The following B4GALT5 variants were observed in gnomAD, a reference collection of about 807,000 sequenced individuals.
B4GALT5 encodes the protein beta-1,4-galactosyltransferase 5.
Under a neutral mutation model 45.0 loss-of-function variants are expected in B4GALT5, and 11 were observed. The ratio of observed to expected loss-of-function variants is 0.24; its 90% CI spans 0.15 to 0.40. B4GALT5 has a LOEUF of 0.40. Among genes scored for constraint, B4GALT5 ranks in the 10% least tolerant of loss-of-function variants. The probability of loss-of-function intolerance (pLI) is 1.00; values close to 1 mark genes in which losing one functional copy is unlikely to be tolerated. For missense variants in B4GALT5, 337 were observed against 500.2 expected (o/e 0.67, Z 3.11); for synonymous variants, 185 against 182.9 (o/e 1.01, Z -0.09).
chr20:49,653,195 A>C (rs1292320636), intron 2 of B4GALT5, among the ~76,000 whole-genome samples: 2 of 152,226 alleles, frequency 1.3e-5, no homozygotes, highest in African/African-American at 4.8e-5. Flanking sequence ...TAAAAATCCG[A>C]AATCTGCAAT....
In B4GALT5 at chr20:49,635,359, C is replaced by T. The variant is rs2085547463; in HGVS notation, c.*953G>A. 6.6e-6 allele frequency: 1 copy of T among 152,058 alleles called. No homozygotes were observed. Among genetic ancestry groups the T allele is most frequent in the Non-Finnish European group, 1.5e-5 (1 of 68,048 alleles). The allele number at this position is 152,058 out of a possible 1,614,324, so 9.4% of individuals were successfully genotyped here. Reference sequence around the variant, plus strand: ...AAGCAGCCTGCTCTAACAGCAGCCTCCCGCTTAGCGGAGAGTGGGATGAGC... The same window carrying T: ...AAGCAGCCTGCTCTAACAGCAGCCTTCCGCTTAGCGGAGAGTGGGATGAGC... On this transcript the variant is annotated 3_prime_UTR_variant, in exon 9 of 9. Coordinates refer to ENST00000371711, the MANE Select transcript of B4GALT5 (RefSeq NM_004776.4).
At chr20:49,674,536 A>G (rs2085729639) in intron 1 of B4GALT5, among the ~76,000 whole-genome samples, 1 of 151,930 alleles carries the variant, frequency 6.6e-6, no homozygotes, top group African/African-American at 2.4e-5. Flanking sequence ...AACTTTTTTT[A>G]GTGAGTCTGC....
At chr20:49,666,688 T>C (rs1235854474) in intron 1 of B4GALT5, among the ~76,000 whole-genome samples, 3 of 152,150 alleles carry the variant, frequency 2.0e-5, no homozygotes, top group Non-Finnish European at 4.4e-5. Context: ...TAAGACACAA[T>C]AAAAATTAAG....
At chr20:49,657,966 A>G (rs1219664296) in intron 1 of B4GALT5, among the ~76,000 whole-genome samples, 1 of 152,216 alleles carries the variant, frequency 6.6e-6, no homozygotes, top group East Asian at 1.9e-4. Flanking sequence ...AACATTAAAC[A>G]GGGACATTGA....
intron 1 of B4GALT5, among the ~76,000 whole-genome samples, chr20:49,712,837 T>TC (rs1419481927): frequency 4.7e-5 from 2 of 42,690 alleles, no homozygotes; most frequent in Non-Finnish European, 9.2e-5. Context: ...GTACGCGAGG[T>TC]GGGGGGGGGG....
At chr20:49,703,000 C>T (rs555242776) in intron 1 of B4GALT5, among the ~76,000 whole-genome samples, 3 of 151,728 alleles carry the variant, frequency 2.0e-5, no homozygotes, top group South Asian at 2.1e-4. Flanking sequence ...GATGAAACCC[C>T]GTCTCTACTA....
rs544095461 is a variant in B4GALT5, at chr20:49,675,078, G to C, written c.116-18376C>G. Reference sequence around the variant, plus strand: ...AGCATGAGCTCAGGAAGAAAAGGGAGTGGAGGGGATAAGAGCAGGGGAGGG... The same window carrying C: ...AGCATGAGCTCAGGAAGAAAAGGGACTGGAGGGGATAAGAGCAGGGGAGGG... On this transcript the variant is annotated intron_variant, in intron 1 of 8. Coordinates refer to ENST00000371711, the MANE Select transcript of B4GALT5 (RefSeq NM_004776.4). Among the ~76,000 whole-genome samples, 4 of 152,344 alleles carry C rather than the reference G, an allele frequency of 2.6e-5. No individual in the cohort carries two copies. The South Asian group carries it at 8.3e-4, about 32-fold the overall frequency.
At chr20:49,677,951 T>C (rs1013636376) in intron 1 of B4GALT5, among the ~76,000 whole-genome samples, 2 of 152,216 alleles carry the variant, frequency 1.3e-5, no homozygotes, top group African/African-American at 4.8e-5. Flanking sequence ...TTTCACCATG[T>C]TGGTCAGGCT....
rs2085830430 is a variant in B4GALT5, at chr20:49,694,651, AGGG to A, written c.115+18922_115+18924del. Reference sequence around the variant, plus strand: ...GGCCCTGCTGAGAAGGGAAAGGGAAAGGGAAAAGGAAAGGGAAAGGGAAAGGGA... The same window carrying A: ...GGCCCTGCTGAGAAGGGAAAGGGAAAAAAAGGAAAGGGAAAGGGAAAGGGA... On this transcript the variant is annotated intron_variant, in intron 1 of 8. Coordinates refer to ENST00000371711, the MANE Select transcript of B4GALT5 (RefSeq NM_004776.4). Among the ~76,000 whole-genome samples the A allele has an allele frequency of 4.6e-5, 6 of 131,472 alleles. No homozygotes were observed. The South Asian group carries it at 1.4e-3, about 30-fold the overall frequency. 86.3% of individuals were successfully genotyped at this position (131,472 alleles called of 152,430 possible). A position where few individuals can be genotyped will look rare whatever the true frequency, so the allele number is the denominator to read the frequency against.
intron 1 of B4GALT5, among the ~76,000 whole-genome samples, chr20:49,670,807 T>C (rs1488103721): frequency 6.6e-6 from 1 of 152,188 alleles, no homozygotes; most frequent in East Asian, 1.9e-4. Flanking sequence ...AACAAATTGA[T>C]ATAACCTCTA....
intron 6 of B4GALT5, 117 bp from the exon 7 acceptor site, chr20:49,639,917 T>G: frequency 1.5e-6 from 2 of 1,367,678 alleles, no homozygotes; most frequent in East Asian, 2.4e-5. Flanking sequence ...CTGAACCATA[T>G]GAATGTATCA....
At chr20:49,705,412 C>A (rs78832651) in intron 1 of B4GALT5, among the ~76,000 whole-genome samples, 1 of 152,138 alleles carries the variant, frequency 6.6e-6, no homozygotes, top group Non-Finnish European at 1.5e-5. Flanking sequence ...ATTTTCCCTC[C>A]CTTCCTTAGT....
chr20:49,678,331 A>G (rs914248521), intron 1 of B4GALT5, among the ~76,000 whole-genome samples: 10 of 152,202 alleles, frequency 6.6e-5, no homozygotes, highest in African/African-American at 2.4e-4. Flanking sequence ...TGGAACTCAC[A>G]AAGGACTGGA....
At chr20:49,675,334 A>G (rs779105335) in intron 1 of B4GALT5, among the ~76,000 whole-genome samples, 1 of 152,250 alleles carries the variant, frequency 6.6e-6, no homozygotes, top group Non-Finnish European at 1.5e-5. Context: ...TGGCAACCAC[A>G]TAGCTCAGAA....
At chr20:49,640,446 A>AACCTC (rs748338335) in intron 6 of B4GALT5, 32 bp downstream of exon 6, 28 of 1,524,924 alleles carry the variant, frequency 1.8e-5, no homozygotes, top group Middle Eastern at 3.5e-4. Flanking sequence ...TTTCAGATTT[A>AACCTC]ACCTCTTTAA....
chr20:49,641,602 T>A (rs187154834), intron 5 of B4GALT5, among the ~76,000 whole-genome samples: 1 of 152,346 alleles, frequency 6.6e-6, no homozygotes, highest in African/African-American at 2.4e-5. Flanking sequence ...CCAGCCTTGC[T>A]GAACAGTGGT....
intron 1 of B4GALT5, among the ~76,000 whole-genome samples, chr20:49,697,371 G>A (rs1387048980): frequency 6.6e-6 from 1 of 152,244 alleles, no homozygotes; most frequent in Non-Finnish European, 1.5e-5. Flanking sequence ...ACTTCTGGCT[G>A]TACATTCTGA....
intron 1 of B4GALT5, among the ~76,000 whole-genome samples, chr20:49,697,366 T>C (rs960750771): frequency 1.3e-5 from 2 of 152,228 alleles, no homozygotes; most frequent in Non-Finnish European, 2.9e-5. Context: ...CTTGGACTTC[T>C]GGCTGTACAT....
intron 3 of B4GALT5, among the ~76,000 whole-genome samples, chr20:49,646,473 CTTACCA>C (rs2085599682): frequency 6.6e-6 from 1 of 152,156 alleles, no homozygotes; most frequent in Non-Finnish European, 1.5e-5. Flanking sequence ...TACACAAATA[CTTACCA>C]TTGAGCTACA....
Sources: allele counts gnomAD v4.1 joint callset (sites outside exome capture counted in the v4.1 genomes callset), GRCh38; gene constraint gnomAD v4.1.1; transcripts MANE v1.5; gene names NCBI Gene and HGNC (gene_info 2026-07-23, HGNC 2026-07-21).